CNTNAP2: variants seen among roughly 807,000 people sequenced by gnomAD.
The protein encoded by CNTNAP2 is contactin-associated protein-like 2.
A neutral mutation model predicts 155.2 loss-of-function variants in CNTNAP2; 98 were observed. The ratio of observed to expected loss-of-function variants is 0.63; its 90% CI spans 0.54 to 0.75. The LOEUF (loss-of-function observed/expected upper bound fraction) is 0.75, where lower values mean the gene tolerates loss of function less well. Among genes scored for constraint, CNTNAP2 ranks in the 30% least tolerant of loss-of-function variants. The probability of loss-of-function intolerance (pLI) is 0.00; values close to 1 mark genes in which losing one functional copy is unlikely to be tolerated. For synonymous variants in CNTNAP2, 651 were observed against 631.2 expected (o/e 1.03, Z -0.47); for missense variants, 1,727 against 1,688.1 (o/e 1.02, Z -0.40).
chr7:146,471,561 T>C (rs1210676382), intron 1 of CNTNAP2, among the ~76,000 whole-genome samples: 4 of 152,264 alleles, frequency 2.6e-5, no homozygotes, highest in Admixed American at 6.5e-5. Flanking sequence ...TCCATTTCCA[T>C]GTGGCCTTGT....
intron 10 of CNTNAP2, among the ~76,000 whole-genome samples, chr7:147,455,451 T>A (rs554031299): frequency 3.8e-4 from 58 of 152,120 alleles, no homozygotes; most frequent in Non-Finnish European, 6.3e-4. Flanking sequence ...TGTTTTCAGA[T>A]CACTCAGTTT....
At chr7:147,157,676 C>T (rs1036348589) in intron 8 of CNTNAP2, among the ~76,000 whole-genome samples, 6 of 152,078 alleles carry the variant, frequency 3.9e-5, no homozygotes, top group South Asian at 4.1e-4. Context: ...TAGGCTTCCA[C>T]ATCCCTCATT....
chr7:147,057,857 A>G lies in CNTNAP2; in HGVS notation c.550+13803A>G, dbSNP rs371192966. On this transcript the variant is annotated intron_variant, in intron 4 of 23. Transcript: ENST00000361727. ...CAGAAAGCACGTACTGCATGCTGAG[A>G]TTTCCATAGACTTCATATTGATAAG... Among the ~76,000 whole-genome samples the G allele has an allele frequency of 1.6e-4, 24 of 152,272 alleles. No homozygotes were observed. The East Asian group carries it at 4.6e-3, about 29-fold the overall frequency.
chr7:146,976,273 C>T lies in CNTNAP2; in HGVS notation c.403-67634C>T, dbSNP rs142230100. On this transcript the variant is annotated intron_variant, in intron 3 of 23. Transcript: ENST00000361727. Reference sequence around the variant, plus strand: ...TGTACCAAGTAAGCAACCAGTTCTGCAGTGGACACAAGCTGACTGTCCTCC... The same window carrying T: ...TGTACCAAGTAAGCAACCAGTTCTGTAGTGGACACAAGCTGACTGTCCTCC... Among the ~76,000 whole-genome samples the T allele has an allele frequency of 7.2e-3, 1,092 of 152,278 alleles. 11 individuals are homozygous for T. Among genetic ancestry groups the T allele is most frequent in the African/African-American group, 0.025 (1,022 of 41,564 alleles).
At chr7:148,182,358 C>T (rs753702044) in intron 18 of CNTNAP2, among the ~76,000 whole-genome samples, 67 of 54,636 alleles carry the variant, frequency 1.2e-3, no homozygotes, top group Non-Finnish European at 3.3e-3. Context: ...TTTGGCTGCC[C>T]TGCAAGCAGG....
At chr7:146,767,350 G>A (rs1457060821) in intron 1 of CNTNAP2, among the ~76,000 whole-genome samples, 2 of 152,156 alleles carry the variant, frequency 1.3e-5, no homozygotes, top group Non-Finnish European at 2.9e-5. Context: ...TGATAGATCA[G>A]TAAGTGAAAA....
rs3801976 is a variant in CNTNAP2 at position 148,266,999 on chromosome 7, G to A, written c.3382-34G>A. ...TTGGTTCCACACAGGGTAGAGACGT[G>A]CTTCTAAAAGTGTCTCTTGTTTTCC... On this transcript the variant is annotated intron_variant, in intron 20 of 23. Coordinates refer to ENST00000361727, the MANE Select transcript of CNTNAP2 (RefSeq NM_014141.6). 1,186,219 of 1,595,344 alleles carry A rather than the reference G, an allele frequency of 0.74. 443,305 individuals are homozygous for A. The highest frequency in any genetic ancestry group is 0.87 in the South Asian group (78,783 of 90,702).
intron 3 of CNTNAP2, among the ~76,000 whole-genome samples, chr7:146,869,037 G>A (rs555761378): frequency 3.4e-4 from 51 of 152,186 alleles, no homozygotes; most frequent in African/African-American, 1.2e-3. Flanking sequence ...CTCTGGCTAG[G>A]ACTTCCAATC....
chr7:146,800,166 C>G lies in CNTNAP2; in HGVS notation c.208+25785C>G, dbSNP rs186870340. Among the ~76,000 whole-genome samples the G allele has an allele frequency of 7.2e-5, 11 of 152,088 alleles. 1 individual carries two copies. In the South Asian group the frequency reaches 1.2e-3, roughly 17 times the overall value. ...GGATTCTAGTTGTGAATGATAGCAG[C>G]AACACTAGCTATTCAAACAGAAAGA... is the stretch of plus-strand genomic sequence containing the variant. On this transcript the variant is annotated intron_variant, in intron 2 of 23. Coordinates refer to ENST00000361727, the MANE Select transcript of CNTNAP2 (RefSeq NM_014141.6).
In CNTNAP2 at chr7:147,818,331, C is replaced by T. The variant is rs938092779; in HGVS notation, c.2099-85234C>T. On this transcript the variant is annotated intron_variant, in intron 13 of 23. Transcript: ENST00000361727. The stretch of plus-strand genomic sequence containing the variant: ...GTCTTCAATCAAGAACATATTAGTT[C>T]TGCTAATACAATTTATATGAAATTT... 4.6e-5 allele frequency among the ~76,000 whole-genome samples: 7 copies of T among 152,242 alleles called. 1 individual carries two copies. In the East Asian group the frequency reaches 1.2e-3, roughly 25 times the overall value.
At chr7:147,850,901 C>G (rs532139544) in intron 13 of CNTNAP2, among the ~76,000 whole-genome samples, 2 of 152,198 alleles carry the variant, frequency 1.3e-5, no homozygotes, top group African/African-American at 4.8e-5. Context: ...GCAATGGCAA[C>G]AAAAGCCAAA....
intron 15 of CNTNAP2, among the ~76,000 whole-genome samples, chr7:148,035,195 A>G (rs1183914243): frequency 6.6e-6 from 1 of 152,256 alleles, no homozygotes; most frequent in African/African-American, 2.4e-5. Flanking sequence ...CATGTAATGA[A>G]CAGCCATGTA....
chr7:146,633,639 T>A (rs781766122), intron 1 of CNTNAP2, among the ~76,000 whole-genome samples: 2 of 151,572 alleles, frequency 1.3e-5, no homozygotes, highest in Non-Finnish European at 2.9e-5. Context: ...AAAATAGATA[T>A]AAGGATGGTA....
chr7:147,191,060 G>T (rs1242261604), intron 8 of CNTNAP2, among the ~76,000 whole-genome samples: 1 of 152,060 alleles, frequency 6.6e-6, no homozygotes, highest in African/African-American at 2.4e-5. Context: ...AGAAAGAAAA[G>T]AAGAAAAGGG....
chr7:148,291,610 AT>A (rs1235104060), intron 21 of CNTNAP2, among the ~76,000 whole-genome samples: 1 of 152,120 alleles, frequency 6.6e-6, no homozygotes, highest in Admixed American at 6.6e-5. Context: ...ACTGACTCAA[AT>A]GGTAATCTCC....
At position 147,044,012 on chromosome 7, in the gene CNTNAP2, G is replaced by A. The variant is rs2129255361; in HGVS notation, c.508G>A (p.Gly170Ser). The stretch of plus-strand genomic sequence containing the variant: ...AGTGCCTCTGGATTGGAATGGAGAA[G>A]GTCGCATTGGACTCAGAATTGAAGT... ...RIVPLDWNGE[G>S]RIGLRIEVYG... is the part of the protein sequence containing the mutation. The change falls in exon 4 of 24, where the codon GGT (glycine) becomes AGT (serine). Residue 170 changes from glycine to serine, a missense_variant. Coordinates refer to ENST00000361727, the MANE Select transcript of CNTNAP2 (RefSeq NM_014141.6). The A allele has an allele frequency of 6.2e-7, 1 of 1,614,184 alleles. No individual in the cohort carries two copies. Among genetic ancestry groups the A allele is most frequent in the Non-Finnish European group, 8.5e-7 (1 of 1,180,018 alleles).
chr7:146,842,839 C>A (rs866622223), intron 3 of CNTNAP2, among the ~76,000 whole-genome samples: 5 of 151,286 alleles, frequency 3.3e-5, no homozygotes, highest in Admixed American at 6.6e-5. Context: ...GCGCCCGCCA[C>A]CACGCCCGGC....
chr7:147,212,637 A>T (rs924062744), intron 8 of CNTNAP2, among the ~76,000 whole-genome samples: 9 of 152,182 alleles, frequency 5.9e-5, no homozygotes, highest in Non-Finnish European at 8.8e-5. Flanking sequence ...ATTCAGTATT[A>T]TGCCCACAAC....
chr7:147,995,294 A>G (rs1801782264), intron 15 of CNTNAP2, among the ~76,000 whole-genome samples: 1 of 152,184 alleles, frequency 6.6e-6, no homozygotes, highest in African/African-American at 2.4e-5. Context: ...ACCCTCCTGA[A>G]ATCTAACTTG....
Sources: gnomAD v4.1 joint callset for allele counts (sites outside exome capture counted in the v4.1 genomes callset) on GRCh38, gnomAD v4.1.1 for gene constraint, MANE v1.5 for transcripts, NCBI Gene and HGNC (gene_info 2026-07-23, HGNC 2026-07-21) for gene names.